ZNF431: variants seen among roughly 807,000 people sequenced by gnomAD.
ZNF431 encodes the protein zinc finger protein 431.
A neutral mutation model predicts 57.0 loss-of-function variants in ZNF431; 34 were observed. The observed-to-expected ratio is 0.60, with a 90% CI of 0.45 to 0.79. The LOEUF (loss-of-function observed/expected upper bound fraction) is 0.79. ZNF431 is among the 30% of genes least tolerant of loss of function. The pLI, the probability that ZNF431 is intolerant of heterozygous loss-of-function variation, is 0.00. For missense variants in ZNF431, 607 were observed against 667.1 expected (o/e 0.91, Z 0.99); for synonymous variants, 207 against 220.3 (o/e 0.94, Z 0.54).
At position 21,190,659 on chromosome 19, in the gene ZNF431, C is replaced by CTTTTTTTTTTT. The variant is rs71176828; in HGVS notation, c.*6629_*6639dup. On this transcript the variant is annotated 3_prime_UTR_variant, in exon 5 of 5. Coordinates refer to ENST00000311048, the MANE Select transcript of ZNF431 (RefSeq NM_133473.4). Reference sequence around the variant, plus strand: ...GAAAAATATTTATTTCAGCTATTTCCTTTTTTTTTTTTTTCTTTTTGAGAT... The same window carrying CTTTTTTTTTTT: ...GAAAAATATTTATTTCAGCTATTTCCTTTTTTTTTTTTTTTTTTTTTTTTTCTTTTTGAGAT... The CTTTTTTTTTTT allele has an allele frequency of 1.5e-5, 2 of 137,590 alleles. No homozygotes were observed. The highest frequency in any genetic ancestry group is 3.1e-5 in the Non-Finnish European group (2 of 65,238). The allele number at this position is 137,590 out of a possible 1,614,324, so 8.5% of individuals were successfully genotyped here.
At chr19:21,182,320 G>C (rs760490903) in intron 4 of ZNF431, among the ~76,000 whole-genome samples, 1 of 152,210 alleles carries the variant, frequency 6.6e-6, no homozygotes, top group Non-Finnish European at 1.5e-5. Flanking sequence ...TTGTATTGTT[G>C]AGTAGGAAGA....
chr19:21,158,274 T>C (rs1970477341), intron 2 of ZNF431, among the ~76,000 whole-genome samples: 1 of 152,164 alleles, frequency 6.6e-6, no homozygotes, highest in Non-Finnish European at 1.5e-5. Context: ...CTCAGCTTAC[T>C]GCAACCTCTG....
rs1199392621 is a variant in ZNF431, at chr19:21,186,203, A to G, written c.*2169A>G. ...GAGGCTGAGGCAGGAGAATCGCTTG[A>G]ACCTGGGAGGTGGAGGTTGCAATGA... is the stretch of plus-strand genomic sequence containing the variant. On this transcript the variant is annotated 3_prime_UTR_variant, in exon 5 of 5. Transcript: ENST00000311048. 6.6e-6 allele frequency: 1 copy of G among 152,212 alleles called. No individual in the cohort carries two copies. Among genetic ancestry groups the G allele is most frequent in the African/African-American group, 2.4e-5 (1 of 41,426 alleles). The allele number at this position is 152,212 out of a possible 1,614,324, so 9.4% of individuals were successfully genotyped here.
Position 21,163,579 on chromosome 19 carries a change from TG to T in ZNF431, c.97-2754del, listed in dbSNP as rs751468125. On this transcript the variant is annotated intron_variant, in intron 2 of 4. Transcript: ENST00000311048. ...CTCTGTCACCCAGGCTGAAGTGTAA[TG>T]GCACGATCTCGTCTCACTGCAACCT... Among the ~76,000 whole-genome samples the T allele has an allele frequency of 1.3e-3, 193 of 152,336 alleles. 1 individual carries two copies. Among genetic ancestry groups the T allele is most frequent in the Non-Finnish European group, 2.3e-3 (154 of 68,028 alleles).
At chr19:21,148,953 T>C (rs1047115180) in intron 2 of ZNF431, among the ~76,000 whole-genome samples, 2 of 152,198 alleles carry the variant, frequency 1.3e-5, no homozygotes. Context: ...AAGTCTTAAT[T>C]TAAGAGGCCT....
intron 2 of ZNF431, 112 bp from the exon 3 acceptor site, chr19:21,166,223 A>C: frequency 6.9e-7 from 1 of 1,440,624 alleles, no homozygotes; most frequent in Non-Finnish European, 9.3e-7. Context: ...AGTTATTCTT[A>C]TAAGTCAGAA....
At chr19:21,175,445 T>C (rs953634433) in intron 4 of ZNF431, 1 of 697,182 alleles carries the variant, frequency 1.4e-6, no homozygotes, top group South Asian at 1.5e-5. Flanking sequence ...TTTAATTTTA[T>C]GTTCCAGGAT....
intron 2 of ZNF431, among the ~76,000 whole-genome samples, chr19:21,155,564 A>C (rs1026160820): frequency 1.3e-5 from 2 of 152,142 alleles, no homozygotes; most frequent in Non-Finnish European, 2.9e-5. Flanking sequence ...GAAGAAAGTC[A>C]TTGGTAGCTT....
rs1971461046 is a variant in ZNF431 at position 21,189,490 on chromosome 19, AC to A, written c.*5457del. ...AGAGTGACTATCAAAAAAAAAAAAA[AC>A]TTTACCTCATATGGTGAACATTTTT... On this transcript the variant is annotated 3_prime_UTR_variant, in exon 5 of 5. Coordinates refer to ENST00000311048, the MANE Select transcript of ZNF431 (RefSeq NM_133473.4). 1 of 154,784 alleles carries A rather than the reference AC, an allele frequency of 6.5e-6. No individual in the cohort carries two copies. The highest frequency in any genetic ancestry group is 2.4e-5 in the African/African-American group (1 of 41,638). The allele number at this position is 154,784 out of a possible 1,614,324, so 9.6% of individuals were successfully genotyped here. A position where few individuals can be genotyped will look rare whatever the true frequency, so the allele number is the denominator to read the frequency against.
At chr19:21,155,161 A>G (rs566859783) in intron 2 of ZNF431, among the ~76,000 whole-genome samples, 50 of 152,280 alleles carry the variant, frequency 3.3e-4, no homozygotes, top group Admixed American at 1.6e-3. Flanking sequence ...TAGGTCTAAC[A>G]TTTAAGTCTT....
chr19:21,147,716 G>A (rs991368193), intron 2 of ZNF431, among the ~76,000 whole-genome samples: 1 of 152,028 alleles, frequency 6.6e-6, no homozygotes, highest in African/African-American at 2.4e-5. Context: ...AAGTCAGCAT[G>A]TTCTTAGAAG....
chr19:21,153,991 C>T (rs895688198), intron 2 of ZNF431, among the ~76,000 whole-genome samples: 4 of 152,156 alleles, frequency 2.6e-5, no homozygotes, highest in African/African-American at 7.2e-5. Context: ...ACTGGGATTA[C>T]AGGCATGAGC....
rs138931609 is a variant in ZNF431, at chr19:21,159,275, T to C, written c.97-7060T>C. Reference sequence around the variant, plus strand: ...TCAAGGATATTGGACTGAAGTTTTCTATTTTTTGTTTTATCTCTGCCAGGT... The same window carrying C: ...TCAAGGATATTGGACTGAAGTTTTCCATTTTTTGTTTTATCTCTGCCAGGT... On this transcript the variant is annotated intron_variant, in intron 2 of 4. Coordinates refer to ENST00000311048, the MANE Select transcript of ZNF431 (RefSeq NM_133473.4). Among the ~76,000 whole-genome samples the C allele has an allele frequency of 4.1e-3, 628 of 152,298 alleles. 4 individuals carry two copies. The highest frequency in any genetic ancestry group is 0.014 in the African/African-American group (582 of 41,566).
At chr19:21,143,707 TG>T in intron 2 of ZNF431, 64 bp downstream of exon 2, 1 of 1,250,420 alleles carries the variant, frequency 8.0e-7, no homozygotes, top group South Asian at 1.2e-5. Context: ...GGGGACACAT[TG>T]CTGGTCAGCC....
rs747087271 is a variant in ZNF431, at chr19:21,183,860, A to G, written c.1557A>G (p.Lys519=). 5.0e-6 allele frequency: 8 copies of G among 1,613,860 alleles called. No individual in the cohort carries two copies. In the Admixed American group the frequency reaches 1.3e-4, roughly 27 times the overall value. ...EKSYKCEECG[K]AFNQSSTLTK... ...CTTACAAATGTGAAGAATGTGGTAAAGCCTTTAACCAATCCTCAACTCTTA... is the reference window on the plus strand; with the variant it reads ...CTTACAAATGTGAAGAATGTGGTAAGGCCTTTAACCAATCCTCAACTCTTA... The change falls in exon 5 of 5, where the codon AAA becomes AAG. Residue 519 remains lysine, a synonymous_variant. Coordinates refer to ENST00000311048, the MANE Select transcript of ZNF431 (RefSeq NM_133473.4).
At chr19:21,148,806 C>G (rs1226512406) in intron 2 of ZNF431, among the ~76,000 whole-genome samples, 2 of 152,156 alleles carry the variant, frequency 1.3e-5, no homozygotes, top group Non-Finnish European at 2.9e-5. Flanking sequence ...AAGTCTAGGA[C>G]ACAGACACAA....
chr19:21,182,049 T>C, intron 4 of ZNF431, among the ~76,000 whole-genome samples: 2 of 151,688 alleles, frequency 1.3e-5, no homozygotes, highest in East Asian at 3.9e-4. Context: ...CTGTTTCATC[T>C]TAATCAGCAG....
At chr19:21,165,134 C>T (rs1970685459) in intron 2 of ZNF431, among the ~76,000 whole-genome samples, 1 of 151,600 alleles carries the variant, frequency 6.6e-6, no homozygotes, top group Non-Finnish European at 1.5e-5. Context: ...CCAGACCCTT[C>T]TCTACATCAT....
chr19:21,143,934 C>T (rs901650964), intron 2 of ZNF431, among the ~76,000 whole-genome samples: 4 of 151,728 alleles, frequency 2.6e-5, no homozygotes, highest in African/African-American at 9.7e-5. Flanking sequence ...TAAGAACTTG[C>T]AAAGTAAAAT....
Sources: gnomAD v4.1 joint callset for allele counts (sites outside exome capture counted in the v4.1 genomes callset) on GRCh38, gnomAD v4.1.1 for gene constraint, MANE v1.5 for transcripts, NCBI Gene and HGNC (gene_info 2026-07-23, HGNC 2026-07-21) for gene names.